SIPA1L3: variants seen among roughly 807,000 people sequenced by gnomAD.
The protein encoded by SIPA1L3 is signal induced proliferation associated 1 like 3.
SIPA1L3 carries 59 observed loss-of-function variants against 150.1 expected under a neutral mutation model. The ratio of observed to expected loss-of-function variants is 0.39; its 90% confidence interval spans 0.32 to 0.49. SIPA1L3 has a LOEUF of 0.49. Among genes scored for constraint, SIPA1L3 ranks in the 20% least tolerant of loss-of-function variants. SIPA1L3 has a pLI of 0.86. For missense variants in SIPA1L3, 2,211 were observed against 2,489.5 expected (o/e 0.89, Z 2.38); for synonymous variants, 1,070 against 1,077.6 (o/e 0.99, Z 0.14).
At chr19:38,036,165 T>G (rs1427549300) in intron 2 of SIPA1L3, among the ~76,000 whole-genome samples, 1 of 152,234 alleles carries the variant, frequency 6.6e-6, no homozygotes, top group Admixed American at 6.5e-5. Context: ...AACGCATGGA[T>G]GCTCTGCTCA....
intron 1 of SIPA1L3, among the ~76,000 whole-genome samples, chr19:37,969,370 G>A (rs1337228113): frequency 6.6e-6 from 1 of 152,186 alleles, no homozygotes; most frequent in Non-Finnish European, 1.5e-5. Context: ...TGACCAACTT[G>A]GTGAAACCCT....
intron 1 of SIPA1L3, among the ~76,000 whole-genome samples, chr19:37,989,868 C>T (rs1362526212): frequency 6.6e-6 from 1 of 152,070 alleles, no homozygotes; most frequent in Non-Finnish European, 1.5e-5. Flanking sequence ...CATCATTGCA[C>T]TGCTTGTTGG....
chr19:38,032,268 A>T (rs1238361601), intron 2 of SIPA1L3, among the ~76,000 whole-genome samples: 1 of 152,094 alleles, frequency 6.6e-6, no homozygotes, highest in Admixed American at 6.6e-5. Context: ...TTTTCATGTG[A>T]TAAAAGCTCC....
At position 38,206,194 on chromosome 19, in the gene SIPA1L3, T is replaced by C; in HGVS notation, c.5300T>C (p.Leu1767Pro). The C allele has an allele frequency of 6.4e-7, 1 of 1,560,080 alleles. No individual in the cohort carries two copies. The highest frequency in any genetic ancestry group is 8.7e-7 in the Non-Finnish European group (1 of 1,152,048). Residue 1767 changes from leucine (L) to proline (P), a missense_variant, in exon 22 of 22, where the codon CTG becomes CCG. Around this residue, in one of 5 missense-constraint regions of SIPA1L3, gnomAD observed 63 missense variants for 106.1 expected, o/e 0.59. Coordinates refer to ENST00000222345, the MANE Select transcript of SIPA1L3 (RefSeq NM_015073.3). The part of the protein sequence containing the change: ...QEESQAASEQ[L>P]RKFAEIFCRE... ...GAGTCGCAGGCCGCCAGCGAGCAGC[T>C]GCGCAAGTTTGCGGAGATCTTCTGC...
intron 10 of SIPA1L3, 49 bp from the exon 11 acceptor site, chr19:38,141,135 C>T (rs371372502): frequency 1.1e-4 from 161 of 1,517,578 alleles, no homozygotes; most frequent in Middle Eastern, 5.3e-4. Context: ...AGCAGGCCCA[C>T]GTGTTGGTGG....
In SIPA1L3 at chr19:38,142,611, C is replaced by T; in HGVS notation, c.3434C>T (p.Pro1145Leu). 1 of 1,613,992 alleles carries T rather than the reference C, an allele frequency of 6.2e-7. No individual in the cohort carries two copies. Among genetic ancestry groups the T allele is most frequent in the South Asian group, 1.1e-5 (1 of 91,070 alleles). Residue 1145 changes from proline to leucine, a missense_variant, in exon 12 of 22, where the codon CCA (proline) becomes CTA (leucine). By Grantham distance (98) the Pro-to-Leu change is moderately conservative. Coordinates refer to ENST00000222345, the MANE Select transcript of SIPA1L3 (RefSeq NM_015073.3). ...CCAGAAACCCCTTACACAGTATCAC[C>T]AGCAGGGGCCGACAGAGTCCCTCCC... is the stretch of plus-strand genomic sequence containing the variant. ...SFPETPYTVS[P>L]AGADRVPPYR...
At chr19:38,142,514 C>T (rs1971612390) in intron 11 of SIPA1L3, 59 bp from the exon 12 acceptor site, 2 of 1,530,800 alleles carry the variant, frequency 1.3e-6, no homozygotes, top group Admixed American at 3.8e-5. Context: ...TCCATCCTCC[C>T]AGGGCAGGGG....
At chr19:37,967,138 G>A (rs920410465) in intron 1 of SIPA1L3, among the ~76,000 whole-genome samples, 1 of 152,056 alleles carries the variant, frequency 6.6e-6, no homozygotes, top group Non-Finnish European at 1.5e-5. Flanking sequence ...TCCCTCAGCT[G>A]CTGGTGGTTT....
intron 12 of SIPA1L3, among the ~76,000 whole-genome samples, chr19:38,147,388 C>T (rs1001537579): frequency 6.6e-6 from 1 of 152,126 alleles, no homozygotes; most frequent in African/African-American, 2.4e-5. Context: ...CTGATAAAGC[C>T]CAAATTATCT....
chr19:38,113,981 C>A (rs1349993576), intron 8 of SIPA1L3, among the ~76,000 whole-genome samples: 1 of 152,140 alleles, frequency 6.6e-6, no homozygotes, highest in Admixed American at 6.5e-5. Flanking sequence ...AACCCAGTCC[C>A]TCCTGCTGGG....
intron 2 of SIPA1L3, among the ~76,000 whole-genome samples, chr19:38,036,448 G>GTGGAGGCTTTGGGTCATTTCATCT: frequency 6.6e-6 from 1 of 152,334 alleles, no homozygotes; most frequent in South Asian, 2.1e-4. Flanking sequence ...TGCCCAGGCA[G>GTGGAGGCTTTGGGTCATTTCATCT]GCCCTGTCTG....
intron 1 of SIPA1L3, among the ~76,000 whole-genome samples, chr19:38,004,050 T>A (rs1251044754): frequency 6.6e-6 from 1 of 152,146 alleles, no homozygotes; most frequent in Non-Finnish European, 1.5e-5. Flanking sequence ...CTCACTGGGA[T>A]TGGGACTTTT....
intron 1 of SIPA1L3, among the ~76,000 whole-genome samples, chr19:37,972,322 G>A (rs2145595964): frequency 6.6e-6 from 1 of 152,244 alleles, no homozygotes; most frequent in Non-Finnish European, 1.5e-5. Context: ...AGATAAATTT[G>A]TGATATAGTG....
chr19:37,967,497 C>T (rs1490456826), intron 1 of SIPA1L3, among the ~76,000 whole-genome samples: 1 of 152,136 alleles, frequency 6.6e-6, no homozygotes, highest in Admixed American at 6.6e-5. Context: ...CATGATCCAC[C>T]TGCCTTGTGC....
chr19:38,187,703 G>A (rs1311588874), intron 16 of SIPA1L3, among the ~76,000 whole-genome samples: 6 of 124,200 alleles, frequency 4.8e-5, no homozygotes, highest in Admixed American at 9.9e-5. Context: ...GGGCGACAGC[G>A]AGACTCCGTC....
At chr19:38,099,535 T>G (rs980325824) in intron 4 of SIPA1L3, among the ~76,000 whole-genome samples, 5 of 152,154 alleles carry the variant, frequency 3.3e-5, no homozygotes, top group Admixed American at 3.3e-4. Flanking sequence ...CCCTACTGCC[T>G]TACATAATTC....
Position 38,193,761 on chromosome 19 carries a change from C to A in SIPA1L3, c.4821C>A (p.Ser1607Arg). ...CCGGTGCCACCCCTGCCGCCGGCAG[C>A]GGCTTTCCCGAGAAGAAATGTGAGC... ...VGPGATPAAGSGFPEKKSTIS... is the reference protein window; with the variant it reads ...VGPGATPAAGRGFPEKKSTIS... Residue 1607 changes from serine to arginine, a missense_variant, in exon 18 of 22, where the codon AGC (serine) becomes AGA (arginine). Transcript: ENST00000222345. 2 of 1,572,690 alleles carry A rather than the reference C, an allele frequency of 1.3e-6. No individual in the cohort carries two copies. Among genetic ancestry groups the A allele is most frequent in the Non-Finnish European group, 8.6e-7 (1 of 1,168,696 alleles).
Position 38,047,536 on chromosome 19 carries a change from A to AT in SIPA1L3, c.-311+18386dup, listed in dbSNP as rs769231081. 5.9e-5 allele frequency among the ~76,000 whole-genome samples: 9 copies of AT among 152,116 alleles called. No individual in the cohort carries two copies. Among genetic ancestry groups the AT allele is most frequent in the East Asian group, 5.8e-4 (3 of 5,172 alleles). On this transcript the variant is annotated intron_variant, in intron 2 of 21. Transcript: ENST00000222345. This position sits in a 1 kb window ranked among gnomAD's most constrained non-coding sequence, Gnocchi z 4.7. ...ATGTCTCACTGGGTAGGTTTGTGTT[A>AT]TTTTTTCCTCCTTCGACCTCGATCC...
intron 2 of SIPA1L3, among the ~76,000 whole-genome samples, chr19:38,030,468 G>T (rs1968620241): frequency 6.6e-6 from 1 of 151,976 alleles, no homozygotes; most frequent in African/African-American, 2.4e-5. Flanking sequence ...GGCTAAAGTG[G>T]AGGGTCACCT....
Sources: gnomAD v4.1 joint callset for allele counts (sites outside exome capture counted in the v4.1 genomes callset) on GRCh38, gnomAD v4.1.1 for gene constraint, gnomAD v4.1.1 regional missense constraint, Gnocchi (gnomAD v3.1) non-coding constraint, MANE v1.5 for transcripts, NCBI Gene and HGNC (gene_info 2026-07-23, HGNC 2026-07-21) for gene names.